The following MAGI1 variants were observed in gnomAD, a reference collection of about 807,000 sequenced individuals.
The protein encoded by MAGI1 is membrane-associated guanylate kinase, WW and PDZ domain-containing protein 1.
A neutral mutation model predicts 139.9 loss-of-function variants in MAGI1; 58 were observed. The observed-to-expected ratio is 0.41, with a 90% CI of 0.34 to 0.52. The LOEUF (loss-of-function observed/expected upper bound fraction) is 0.52, where lower values mean the gene tolerates loss of function less well. Ranked by LOEUF, MAGI1 falls within the 20% of genes least tolerant of loss-of-function variation. The pLI, the probability that MAGI1 is intolerant of heterozygous loss-of-function variation, is 0.12. For missense variants in MAGI1, 1,874 were observed against 1,901.6 expected, an observed-to-expected ratio of 0.99 and a Z score of 0.27; for synonymous variants, 812 against 737.9, an observed-to-expected ratio of 1.10 and a Z score of -1.63.
chr3:66,036,902 G>A (rs2107618125), intron 1 of MAGI1, among the ~76,000 whole-genome samples: 1 of 152,302 alleles, frequency 6.6e-6, no homozygotes, highest in Non-Finnish European at 1.5e-5. Flanking sequence ...ACAGCCCCTT[G>A]TCTGTACCAA....
In MAGI1 at chr3:65,590,106, G is replaced by C. The variant is rs995482754; in HGVS notation, c.430+31866C>G. The stretch of plus-strand genomic sequence containing the variant: ...AAAACTCCCATCCAGCCTTTAAAAC[G>C]CATCACCAGTGTCTCCTCTACTATG... On this transcript the variant is annotated intron_variant, in intron 2 of 22. Transcript: ENST00000402939. Among the ~76,000 whole-genome samples the C allele has an allele frequency of 2.0e-5, 3 of 152,014 alleles. No homozygotes were observed. In the East Asian group the frequency reaches 5.8e-4, roughly 29 times the overall value.
chr3:65,687,404 T>C, intron 1 of MAGI1: 1 of 356,762 alleles, frequency 2.8e-6, no homozygotes, highest in East Asian at 7.1e-5. Flanking sequence ...GTTTGATTTC[T>C]ATTTGTGTGA....
intron 1 of MAGI1, among the ~76,000 whole-genome samples, chr3:65,824,574 T>A (rs537913604): frequency 5.3e-4 from 81 of 152,338 alleles, no homozygotes; most frequent in Non-Finnish European, 1.1e-3. Context: ...GTCTTTATCT[T>A]CAAAAATAAA....
rs962721823 is a variant in MAGI1 at position 65,688,201 on chromosome 3, T to G, written c.314-66113A>C. ...AGCGGCAACTTCAGAGTACACACAG[T>G]CATGACCCTAGAACAGCAGGACATA... On this transcript the variant is annotated intron_variant, in intron 1 of 22. Coordinates refer to ENST00000402939, the MANE Select transcript of MAGI1 (RefSeq NM_001033057.2). 4 of 776,332 alleles carry G rather than the reference T, an allele frequency of 5.2e-6. No homozygotes were observed. In the Admixed American group the frequency reaches 5.4e-5, roughly 10 times the overall value. The allele number at this position is 776,332 out of a possible 1,614,324, so 48.1% of individuals were successfully genotyped here.
intron 2 of MAGI1, chr3:65,549,551 T>C: frequency 1.1e-6 from 1 of 875,710 alleles, no homozygotes; most frequent in Non-Finnish European, 1.4e-6. Context: ...GGCAGTAGGC[T>C]CGGCCAGGGT....
intron 1 of MAGI1, among the ~76,000 whole-genome samples, chr3:65,956,664 G>A (rs967892758): frequency 2.0e-5 from 3 of 152,208 alleles, no homozygotes; most frequent in South Asian, 4.2e-4. Context: ...TAGACTACTC[G>A]TGGTAACATA....
chr3:65,952,411 A>G (rs1023052475), intron 1 of MAGI1, among the ~76,000 whole-genome samples: 1 of 152,218 alleles, frequency 6.6e-6, no homozygotes, highest in Non-Finnish European at 1.5e-5. Flanking sequence ...AACAGGAAGA[A>G]CAGCAAGGAG....
At chr3:65,888,453 A>G (rs1229367864) in intron 1 of MAGI1, among the ~76,000 whole-genome samples, 7 of 152,212 alleles carry the variant, frequency 4.6e-5, no homozygotes, top group Admixed American at 3.9e-4. Context: ...AAGAATTCCT[A>G]TGAGGCTACG....
At chr3:65,416,147 T>C (rs6445475) in intron 12 of MAGI1, among the ~76,000 whole-genome samples, 4 of 152,042 alleles carry the variant, frequency 2.6e-5, no homozygotes, top group East Asian at 1.9e-4. Context: ...TATGTAACTA[T>C]AAGAAAGCTT....
At chr3:65,643,223 A>G (rs989685662) in intron 1 of MAGI1, among the ~76,000 whole-genome samples, 2 of 152,190 alleles carry the variant, frequency 1.3e-5, no homozygotes, top group African/African-American at 4.8e-5. Context: ...GTCCCTTAGA[A>G]GAGCTGGAAA....
At chr3:65,719,788 C>G (rs1008517677) in intron 1 of MAGI1, among the ~76,000 whole-genome samples, 3 of 152,152 alleles carry the variant, frequency 2.0e-5, no homozygotes, top group African/African-American at 7.2e-5. Context: ...CTCAAGAGAT[C>G]CATCTGCCTT....
At chr3:65,432,532 T>A (rs1285553808) in intron 10 of MAGI1, among the ~76,000 whole-genome samples, 2 of 152,158 alleles carry the variant, frequency 1.3e-5, no homozygotes, top group Non-Finnish European at 2.9e-5. Flanking sequence ...CAATCAGAGG[T>A]CCTTTCGCTA....
chr3:65,984,466 C>T (rs759960664), intron 1 of MAGI1, among the ~76,000 whole-genome samples: 3 of 151,508 alleles, frequency 2.0e-5, no homozygotes, highest in African/African-American at 7.3e-5. Flanking sequence ...CATATTTCCC[C>T]TCTCCTTCTT....
chr3:65,874,438 A>C (rs143801274), intron 1 of MAGI1: 3 of 152,362 alleles, frequency 2.0e-5, no homozygotes, highest in African/African-American at 7.2e-5. Context: ...GACATATAAC[A>C]CTATTTTTAA....
rs568656806 is a variant in MAGI1, at chr3:65,667,433, A to G, written c.314-45345T>C. 3.3e-5 allele frequency among the ~76,000 whole-genome samples: 5 copies of G among 152,360 alleles called. No homozygotes were observed. The South Asian group carries it at 1.0e-3, about 32-fold the overall frequency. On this transcript the variant is annotated intron_variant, in intron 1 of 22. Transcript: ENST00000402939. ...ACTTTCCAAGGCCATCAGAGATGCT[A>G]CCGCATGAGAAGTGTGATGTGTGTT...
chr3:65,558,259 T>C (rs2888232), intron 2 of MAGI1, among the ~76,000 whole-genome samples: 57,692 of 152,100 alleles, frequency 0.38, 12,402 homozygotes, highest in East Asian at 0.65. Flanking sequence ...ATTTTTATTT[T>C]TCATGGATGA....
intron 1 of MAGI1, among the ~76,000 whole-genome samples, chr3:65,664,392 T>C (rs1477447219): frequency 6.6e-6 from 1 of 152,206 alleles, no homozygotes; most frequent in Non-Finnish European, 1.5e-5. Context: ...GTATAAGCTA[T>C]TGTTCTCAGA....
chr3:65,508,321 G>C (rs970724164), intron 2 of MAGI1, among the ~76,000 whole-genome samples: 2 of 151,908 alleles, frequency 1.3e-5, no homozygotes, highest in Non-Finnish European at 2.9e-5. Context: ...GGAGAATGGC[G>C]TGAACCTGGG....
At chr3:65,807,063 G>A (rs1187549455) in intron 1 of MAGI1, among the ~76,000 whole-genome samples, 2 of 152,182 alleles carry the variant, frequency 1.3e-5, no homozygotes, top group Non-Finnish European at 2.9e-5. Flanking sequence ...ACCACCCTAT[G>A]AGACAGGTAT....
Sources: gnomAD v4.1 joint callset for allele counts (sites outside exome capture counted in the v4.1 genomes callset) on GRCh38, gnomAD v4.1.1 for gene constraint, MANE v1.5 for transcripts, NCBI Gene and HGNC (gene_info 2026-07-23, HGNC 2026-07-21) for gene names.